TNN: variants seen among roughly 807,000 people sequenced by gnomAD.
The protein encoded by TNN is tenascin N, also known as tenascin-N.
A neutral mutation model predicts 134.4 loss-of-function variants in TNN; 122 were observed. The ratio of observed to expected loss-of-function variants is 0.91; its 90% CI spans 0.78 to 1.06. The LOEUF (loss-of-function observed/expected upper bound fraction) is 1.06. Ranked by LOEUF, TNN falls within the 50% of genes least tolerant of loss-of-function variation. The pLI, the probability that TNN is intolerant of heterozygous loss-of-function variation, is 0.00. For synonymous variants in TNN, 710 were observed against 670.3 expected, an observed-to-expected ratio of 1.06 and a Z score of -0.91; for missense variants, 1,739 against 1,699.4, an observed-to-expected ratio of 1.02 and a Z score of -0.41.
At chr1:175,068,414 A>G (rs976063763) in intron 1 of TNN, among the ~76,000 whole-genome samples, 5 of 152,196 alleles carry the variant, frequency 3.3e-5, no homozygotes, top group African/African-American at 1.2e-4. Flanking sequence ...GGAAGCTATG[A>G]TAACTTTCCC....
chr1:175,122,787 G>A (rs140686474), intron 11 of TNN, among the ~76,000 whole-genome samples: 302 of 152,310 alleles, frequency 2.0e-3, no homozygotes, highest in Non-Finnish European at 3.3e-3. Flanking sequence ...GGAATGATAC[G>A]GGAGAGGATG....
intron 12 of TNN, among the ~76,000 whole-genome samples, chr1:175,126,134 C>T (rs1395536495): frequency 3.0e-5 from 4 of 135,070 alleles, no homozygotes; most frequent in Admixed American, 1.6e-4. Context: ...CAGAGTCTTG[C>T]TCTGTCACCC....
intron 16 of TNN, among the ~76,000 whole-genome samples, chr1:175,136,611 C>T (rs920408254): frequency 2.0e-5 from 3 of 152,182 alleles, no homozygotes; most frequent in Non-Finnish European, 4.4e-5. Flanking sequence ...ACCCTGCCCC[C>T]TTCACTGCTC....
At chr1:175,085,342 G>C in intron 5 of TNN, 63 bp from the exon 6 acceptor site, 1 of 993,054 alleles carries the variant, frequency 1.0e-6, no homozygotes, top group Non-Finnish European at 1.6e-6. Context: ...CCAGGGAGGA[G>C]TAGTGCTGGG....
chr1:175,079,461 C>T lies in TNN; in HGVS notation c.538C>T (p.Arg180Cys), dbSNP rs895808761. 4 of 1,568,294 alleles carry T rather than the reference C, an allele frequency of 2.6e-6. No homozygotes were observed. The Admixed American group carries it at 7.4e-5, about 29-fold the overall frequency. Residue 180 changes from arginine (R) to cysteine (C), a missense_variant, in exon 3 of 19, where the codon CGT becomes TGT. Transcript: ENST00000239462. Reference protein sequence around the residue: ...ACPGACSGHGRCVDGRCLCHE... With the variant: ...ACPGACSGHGCCVDGRCLCHE... Reference sequence around the variant, plus strand: ...CCCCGGGGCGTGCAGCGGCCACGGGCGTTGCGTGGACGGGCGCTGCCTGTG... The same window carrying T: ...CCCCGGGGCGTGCAGCGGCCACGGGTGTTGCGTGGACGGGCGCTGCCTGTG...
At position 175,080,203 on chromosome 1, in the gene TNN, G is replaced by T; in HGVS notation, c.825G>T (p.Glu275Asp). 6.2e-7 allele frequency: 1 copy of T among 1,614,070 alleles called. No individual in the cohort carries two copies. The change falls in exon 4 of 19, where the codon GAG (glutamate) becomes GAT (aspartate). Residue 275 changes from glutamate to aspartate, a missense_variant. By Grantham distance (45) the Glu-to-Asp change is conservative. Coordinates refer to ENST00000239462, the MANE Select transcript of TNN (RefSeq NM_022093.2). ...GCCTGCAGCTGCTCAAGAACACGGA[G>T]GATTCTCTGCTGGTGAGCTGGGAGC... ...PQGLQLLKNT[E>D]DSLLVSWEPS... is the part of the protein sequence containing the mutation.
At chr1:175,077,073 G>A (rs774557777) in intron 1 of TNN, among the ~76,000 whole-genome samples, 4 of 152,172 alleles carry the variant, frequency 2.6e-5, no homozygotes, top group Non-Finnish European at 5.9e-5. Context: ...GGATCAAAGC[G>A]TGGCACACAA....
At chr1:175,071,370 C>T (rs770757674) in intron 1 of TNN, among the ~76,000 whole-genome samples, 7 of 152,176 alleles carry the variant, frequency 4.6e-5, no homozygotes, top group Non-Finnish European at 1.0e-4. Flanking sequence ...AGGGGCCATC[C>T]TCCTCCCTTG....
At chr1:175,074,011 G>A (rs1342195836) in intron 1 of TNN, among the ~76,000 whole-genome samples, 1 of 152,124 alleles carries the variant, frequency 6.6e-6, no homozygotes, top group Non-Finnish European at 1.5e-5. Context: ...CTGAGTTTCA[G>A]TCCTCTCACA....
chr1:175,097,358 G>A (rs1674594026), intron 7 of TNN, 59 bp from the exon 8 acceptor site: 10 of 1,599,584 alleles, frequency 6.3e-6, no homozygotes, highest in East Asian at 2.2e-5. Context: ...TGTTCGTGCT[G>A]TCTTTATGGA....
At chr1:175,074,355 T>C (rs1183000689) in intron 1 of TNN, among the ~76,000 whole-genome samples, 1 of 151,902 alleles carries the variant, frequency 6.6e-6, no homozygotes, top group East Asian at 1.9e-4. Context: ...CACTGTGACA[T>C]ATACCTGTAG....
chr1:175,140,913 T>C (rs1288513952), intron 17 of TNN, among the ~76,000 whole-genome samples: 1 of 152,212 alleles, frequency 6.6e-6, no homozygotes, highest in Non-Finnish European at 1.5e-5. Context: ...GCTGAGGCAC[T>C]GTTTAGAGGA....
chr1:175,146,961 G>A lies in TNN; in HGVS notation c.3790G>A (p.Glu1264Lys), dbSNP rs1247598805. Residue 1264 changes from glutamate (E) to lysine (K), a missense_variant, in exon 19 of 19, where the codon GAA becomes AAA. Transcript: ENST00000239462. ...GVNWEPWKGH[E>K]FSIPYVELKI... is the part of the protein sequence containing the mutation. ...GAACTGGGAGCCTTGGAAAGGACAT[G>A]AATTCTCCATTCCTTACGTGGAGTT... is the stretch of plus-strand genomic sequence containing the variant. The A allele has an allele frequency of 6.4e-7, 1 of 1,561,348 alleles. No individual in the cohort carries two copies. The highest frequency in any genetic ancestry group is 1.8e-5 in the Admixed American group (1 of 56,080).
At chr1:175,082,791 G>C (rs1674228185) in intron 4 of TNN, among the ~76,000 whole-genome samples, 1 of 152,120 alleles carries the variant, frequency 6.6e-6, no homozygotes, top group Non-Finnish European at 1.5e-5. Context: ...TGATGAAGAG[G>C]GGAAGCCTGA....
At chr1:175,090,879 C>G (rs1674429535) in intron 6 of TNN, among the ~76,000 whole-genome samples, 1 of 152,138 alleles carries the variant, frequency 6.6e-6, no homozygotes, top group African/African-American at 2.4e-5. Context: ...TAAGAAAGGT[C>G]CCACCAGGGC....
chr1:175,117,756 A>G (rs528546121), intron 10 of TNN, among the ~76,000 whole-genome samples: 1 of 152,240 alleles, frequency 6.6e-6, no homozygotes, highest in African/African-American at 2.4e-5. Flanking sequence ...AAGGGGAAAT[A>G]GTAATAGGAT....
At position 175,079,434 on chromosome 1, in the gene TNN, T is replaced by C; in HGVS notation, c.511T>C (p.Cys171Arg). Residue 171 changes from cysteine to arginine, a missense_variant, in exon 3 of 19, where the codon TGC (cysteine) becomes CGC (arginine). Coordinates refer to ENST00000239462, the MANE Select transcript of TNN (RefSeq NM_022093.2). ...REGPACERLA[C>R]PGACSGHGRC... is the part of the protein sequence containing the mutation. ...GGGCCCCGCCTGCGAGCGGCTGGCCTGCCCCGGGGCGTGCAGCGGCCACGG... is the reference window on the plus strand; with the variant it reads ...GGGCCCCGCCTGCGAGCGGCTGGCCCGCCCCGGGGCGTGCAGCGGCCACGG... The C allele has an allele frequency of 6.3e-7, 1 of 1,582,444 alleles. No individual in the cohort carries two copies. Among genetic ancestry groups the C allele is most frequent in the South Asian group, 1.1e-5 (1 of 88,344 alleles).
intron 6 of TNN, among the ~76,000 whole-genome samples, chr1:175,090,897 G>A (rs181319284): frequency 6.4e-4 from 97 of 152,330 alleles, no homozygotes; most frequent in Non-Finnish European, 9.6e-4. Flanking sequence ...GGCTGCTAGT[G>A]TCCAGCAGTT....
Position 175,097,680 on chromosome 1 carries a change from A to G in TNN, c.1852A>G (p.Thr618Ala). The change falls in exon 8 of 19, where the codon ACA becomes GCA. Residue 618 changes from threonine (T) to alanine (A), a missense_variant. Thr to Ala is a moderately conservative substitution (Grantham distance 58). Transcript: ENST00000239462. ...CAAGAAGGCTGACACCAACGCCCCG[A>G]CAGGTAACAAAAGAGAGATGGTCAA... ...ESKKADTNAP[T>A]DIDSPKNLVT... is the part of the protein sequence containing the mutation. 6.2e-7 allele frequency: 1 copy of G among 1,614,096 alleles called. No individual in the cohort carries two copies. Among genetic ancestry groups the G allele is most frequent in the African/African-American group, 1.3e-5 (1 of 75,046 alleles).
Sources: gnomAD v4.1 joint callset for allele counts (sites outside exome capture counted in the v4.1 genomes callset) on GRCh38, gnomAD v4.1.1 for gene constraint, MANE v1.5 for transcripts, NCBI Gene and HGNC (gene_info 2026-07-23, HGNC 2026-07-21) for gene names.